The following SIM1 variants were observed in gnomAD, a reference collection of about 807,000 sequenced individuals.
SIM1 encodes single-minded homolog 1.
In SIM1, 18 loss-of-function variants were observed where a neutral mutation model predicts 78.2. That is an observed-to-expected ratio of 0.23 (90% CI 0.16 to 0.34). The LOEUF is 0.34. SIM1 is among the 10% of genes least tolerant of loss of function. SIM1 has a pLI of 1.00. For missense variants in SIM1, 939 were observed against 975.1 expected (o/e 0.96, Z 0.49); for synonymous variants, 417 against 385.2 (o/e 1.08, Z -0.97).
At chr6:100,447,912 G>A (rs1419093197) in intron 8 of SIM1, among the ~76,000 whole-genome samples, 2 of 152,248 alleles carry the variant, frequency 1.3e-5, no homozygotes, top group East Asian at 1.9e-4. Flanking sequence ...GGGGGCGGGG[G>A]ACGTATTTCG....
chr6:100,463,979 A>G (rs1324296593), intron 1 of SIM1, 44 bp from the exon 2 acceptor site: 1 of 152,312 alleles, frequency 6.6e-6, no homozygotes, highest in African/African-American at 2.4e-5. Context: ...CAGCGGCTCC[A>G]CAAGTACTCA....
chr6:100,433,367 C>G (rs538275254), intron 9 of SIM1, among the ~76,000 whole-genome samples: 3 of 152,236 alleles, frequency 2.0e-5, no homozygotes, highest in East Asian at 3.9e-4. Context: ...GTTTCCACCT[C>G]AGGGCCTTTG....
Position 100,390,902 on chromosome 6 carries a change from G to A in SIM1, c.1760C>T (p.Ala587Val). The part of the protein sequence containing the change: ...EEENRLQLRK[A>V]PSDQLASING... ...AATGGAAGCCAGTTGGTCTGAGGGGGCTTTCCTTAGCTGTAATCTGTTCTC... is the reference window on the plus strand; with the variant it reads ...AATGGAAGCCAGTTGGTCTGAGGGGACTTTCCTTAGCTGTAATCTGTTCTC... The change falls in exon 12 of 12, where the codon GCC becomes GTC. Residue 587 changes from alanine to valine, a missense_variant. By Grantham distance (64) the Ala-to-Val change is moderately conservative (BLOSUM62 0). Coordinates refer to ENST00000369208, the MANE Select transcript of SIM1 (RefSeq NM_005068.3). 6.2e-7 allele frequency: 1 copy of A among 1,614,120 alleles called. No individual in the cohort carries two copies. The highest frequency in any genetic ancestry group is 2.2e-5 in the East Asian group (1 of 44,868).
intron 10 of SIM1, among the ~76,000 whole-genome samples, chr6:100,413,111 A>C (rs912962926): frequency 6.6e-6 from 1 of 152,100 alleles, no homozygotes; most frequent in Non-Finnish European, 1.5e-5. Context: ...TGACACCACC[A>C]CGTTCCTTTA....
At chr6:100,434,545 G>C (rs970474720) in intron 9 of SIM1, among the ~76,000 whole-genome samples, 1 of 152,214 alleles carries the variant, frequency 6.6e-6, no homozygotes, top group Non-Finnish European at 1.5e-5. Flanking sequence ...GTCATTACAA[G>C]CACGAGAGTA....
chr6:100,436,343 A>G (rs186979094), intron 9 of SIM1, among the ~76,000 whole-genome samples: 25 of 152,318 alleles, frequency 1.6e-4, no homozygotes, highest in Non-Finnish European at 1.0e-4. Context: ...TAGGTGTTCA[A>G]TAAGCCTTTT....
intron 9 of SIM1, among the ~76,000 whole-genome samples, chr6:100,440,996 T>C (rs1411327457): frequency 6.6e-6 from 1 of 152,146 alleles, no homozygotes; most frequent in African/African-American, 2.4e-5. Context: ...ATAACATATA[T>C]GGGTGCCTGC....
chr6:100,464,638 G>C lies in SIM1; in HGVS notation c.-492C>G, dbSNP rs1772944276. The C allele has an allele frequency of 1.3e-5, 2 of 152,278 alleles. No homozygotes were observed. Among genetic ancestry groups the C allele is most frequent in the African/African-American group, 2.4e-5 (1 of 41,456 alleles). The allele number at this position is 152,278 out of a possible 1,614,324, so 9.4% of individuals were successfully genotyped here. ...CCTTCAGTCCCCACAAGCGGCAGAGGTTTCGGGGGCGCCCATCTCTTAACT... is the reference window on the plus strand; with the variant it reads ...CCTTCAGTCCCCACAAGCGGCAGAGCTTTCGGGGGCGCCCATCTCTTAACT... On this transcript the variant is annotated 5_prime_UTR_variant, in exon 1 of 12. Coordinates refer to ENST00000369208, the MANE Select transcript of SIM1 (RefSeq NM_005068.3).
At chr6:100,430,291 T>C (rs1160523955) in intron 9 of SIM1, among the ~76,000 whole-genome samples, 1 of 152,178 alleles carries the variant, frequency 6.6e-6, no homozygotes, top group Non-Finnish European at 1.5e-5. Context: ...AGTTGTACAT[T>C]CGACAGATCT....
At position 100,387,929 on chromosome 6, in the gene SIM1, T is replaced by C. The variant is rs536746024; in HGVS notation, c.*2432A>G. Reference sequence around the variant, plus strand: ...TCCCTGGCACATTTGGTAGAATATATAGCCACCAGAAATACCCATCTGTGA... The same window carrying C: ...TCCCTGGCACATTTGGTAGAATATACAGCCACCAGAAATACCCATCTGTGA... On this transcript the variant is annotated 3_prime_UTR_variant, in exon 12 of 12. Coordinates refer to ENST00000369208, the MANE Select transcript of SIM1 (RefSeq NM_005068.3). 1.3e-5 allele frequency: 2 copies of C among 152,230 alleles called. No homozygotes were observed. Among genetic ancestry groups the C allele is most frequent in the South Asian group, 4.1e-4 (2 of 4,826 alleles). The allele number at this position is 152,230 out of a possible 1,614,324, so 9.4% of individuals were successfully genotyped here.
intron 9 of SIM1, among the ~76,000 whole-genome samples, chr6:100,439,597 C>T (rs1232918748): frequency 6.6e-6 from 1 of 152,158 alleles, no homozygotes; most frequent in Admixed American, 6.5e-5. Flanking sequence ...TATACAGCCA[C>T]ACTCAGTCCA....
intron 10 of SIM1, among the ~76,000 whole-genome samples, chr6:100,417,048 A>T (rs1197058527): frequency 6.6e-6 from 1 of 151,946 alleles, no homozygotes; most frequent in Non-Finnish European, 1.5e-5. Context: ...GTTTCCAAAC[A>T]TACCACTTCT....
chr6:100,438,471 G>A (rs761299729), intron 9 of SIM1, among the ~76,000 whole-genome samples: 1 of 152,172 alleles, frequency 6.6e-6, no homozygotes, highest in Non-Finnish European at 1.5e-5. Context: ...ATAGATATTG[G>A]TGTAAGTGTG....
chr6:100,412,315 T>A (rs1318825612), intron 10 of SIM1, among the ~76,000 whole-genome samples: 2 of 151,828 alleles, frequency 1.3e-5, no homozygotes, highest in African/African-American at 4.8e-5. Context: ...AGCGGGTGGA[T>A]CACCTGAGGT....
chr6:100,457,350 C>G (rs6907169), intron 2 of SIM1, among the ~76,000 whole-genome samples: 15,388 of 152,206 alleles, frequency 0.1, 1,706 homozygotes, highest in African/African-American at 0.28. Context: ...TGGCGGAGGC[C>G]CTGTTCCATG....
chr6:100,397,737 C>A (rs965644712), intron 10 of SIM1, among the ~76,000 whole-genome samples: 5 of 151,860 alleles, frequency 3.3e-5, no homozygotes, highest in Admixed American at 1.3e-4. Context: ...GATGAAAAGA[C>A]AAGCTACAGG....
intron 3 of SIM1, 47 bp from the exon 4 acceptor site, chr6:100,450,403 G>A: frequency 6.6e-7 from 1 of 1,515,738 alleles, no homozygotes; most frequent in South Asian, 1.1e-5. Context: ...TGGGCCATCT[G>A]GAGAAATGGG....
chr6:100,389,403 C>T lies in SIM1; in HGVS notation c.*958G>A, dbSNP rs1282394595. 4 of 387,374 alleles carry T rather than the reference C, an allele frequency of 1.0e-5. No homozygotes were observed. The highest frequency in any genetic ancestry group is 1.8e-5 in the Non-Finnish European group (4 of 219,368). The allele number at this position is 387,374 out of a possible 1,614,324, so 24.0% of individuals were successfully genotyped here. ...TGTCATGTGGCACTTCACTGGTTTT[C>T]CTTTTATTTTTGCACCTATTGGTCT... On this transcript the variant is annotated 3_prime_UTR_variant, in exon 12 of 12. Coordinates refer to ENST00000369208, the MANE Select transcript of SIM1 (RefSeq NM_005068.3).
chr6:100,454,409 G>T (rs909925982), intron 2 of SIM1, among the ~76,000 whole-genome samples: 1 of 152,112 alleles, frequency 6.6e-6, no homozygotes, highest in Non-Finnish European at 1.5e-5. Flanking sequence ...GTTCCCTGGC[G>T]GATGATTTCC....
Sources: gnomAD v4.1 joint callset for allele counts (sites outside exome capture counted in the v4.1 genomes callset) on GRCh38, gnomAD v4.1.1 for gene constraint, MANE v1.5 for transcripts, NCBI Gene and HGNC (gene_info 2026-07-23, HGNC 2026-07-21) for gene names.